Variants in CCDC68 observed in about 807,000 individuals in gnomAD.
CCDC68 encodes coiled-coil domain containing 68, also known as coiled-coil domain-containing protein 68.
Under a neutral mutation model 47.1 loss-of-function variants are expected in CCDC68, and 45 were observed. That is an observed-to-expected ratio of 0.96 (90% CI 0.75 to 1.23). The LOEUF (loss-of-function observed/expected upper bound fraction) is 1.23, where lower values mean the gene tolerates loss of function less well. Ranked by LOEUF, CCDC68 falls within the 50% of genes most tolerant of loss-of-function variation. CCDC68 has a pLI of 0.00. For synonymous variants in CCDC68, 131 were observed against 129.5 expected, an observed-to-expected ratio of 1.01 and a Z score of -0.08; for missense variants, 353 against 373.6, an observed-to-expected ratio of 0.94 and a Z score of 0.45.
At chr18:54,909,675 C>T (rs115436696) in intron 10 of CCDC68, among the ~76,000 whole-genome samples, 213 of 152,314 alleles carry the variant, frequency 1.4e-3, no homozygotes, top group African/African-American at 4.6e-3. Flanking sequence ...TCAAACATGC[C>T]GACTGCTACA....
At chr18:54,909,315 TC>T (rs932549408) in intron 10 of CCDC68, among the ~76,000 whole-genome samples, 1 of 151,830 alleles carries the variant, frequency 6.6e-6, no homozygotes, top group African/African-American at 2.4e-5. Context: ...GAACATCAGC[TC>T]CCTTCCCTTT....
intron 8 of CCDC68, among the ~76,000 whole-genome samples, chr18:54,927,608 G>A (rs538202425): frequency 6.6e-6 from 1 of 152,310 alleles, no homozygotes; most frequent in South Asian, 2.1e-4. Flanking sequence ...ATATCCATAT[G>A]TAATTCCAAG....
intron 6 of CCDC68, among the ~76,000 whole-genome samples, chr18:54,935,430 T>G (rs2044327549): frequency 6.6e-6 from 1 of 152,240 alleles, no homozygotes; most frequent in Admixed American, 6.5e-5. Flanking sequence ...AGACTCCATC[T>G]AGCAGGCAGT....
intron 5 of CCDC68, chr18:54,937,747 T>A (rs2044371866): frequency 7.5e-6 from 3 of 402,558 alleles, no homozygotes; most frequent in Non-Finnish European, 1.3e-5. Context: ...TTTTGTAAGA[T>A]ATTTTCAATA....
At chr18:54,911,018 G>A (rs1168508245) in intron 10 of CCDC68, among the ~76,000 whole-genome samples, 1 of 152,218 alleles carries the variant, frequency 6.6e-6, no homozygotes, top group Non-Finnish European at 1.5e-5. Context: ...GGCTCTTGTG[G>A]GCTCCATGGA....
chr18:54,925,158 T>C (rs1407175626), intron 8 of CCDC68, among the ~76,000 whole-genome samples: 1 of 152,226 alleles, frequency 6.6e-6, no homozygotes, highest in African/African-American at 2.4e-5. Context: ...GGTTGGCTGC[T>C]GGAAAATTTG....
chr18:54,923,642 A>G (rs1327412905), intron 8 of CCDC68, among the ~76,000 whole-genome samples: 1 of 151,696 alleles, frequency 6.6e-6, no homozygotes, highest in Admixed American at 6.6e-5. Context: ...TTTAAATGTA[A>G]AAATATATCT....
intron 4 of CCDC68, among the ~76,000 whole-genome samples, chr18:54,939,658 C>T (rs1473014016): frequency 6.6e-6 from 1 of 152,134 alleles, no homozygotes; most frequent in African/African-American, 2.4e-5. Context: ...TCCTAAGAAG[C>T]TCCTCCTATC....
chr18:54,904,579 G>C (rs1360989378), intron 11 of CCDC68, among the ~76,000 whole-genome samples, 164 bp from the exon 12 acceptor site: 1 of 152,206 alleles, frequency 6.6e-6, no homozygotes, highest in Non-Finnish European at 1.5e-5. Context: ...AGTTCCCCAT[G>C]ATATACAGTA....
In CCDC68 at chr18:54,933,427, ACCAATATC is replaced by A; in HGVS notation, c.600+1385_600+1392del. ...GCAGTGACGGTTGCCACTAAACCTG[ACCAATATC>A]ACTGGGTTTGAGATGGCGTGAGCTC... On this transcript the variant is annotated intron_variant, in intron 7 of 11. Transcript: ENST00000591504. Among the ~76,000 whole-genome samples, 4 of 152,284 alleles carry A rather than the reference ACCAATATC, an allele frequency of 2.6e-5. No individual in the cohort carries two copies. In the East Asian group the frequency reaches 7.7e-4, roughly 29 times the overall value.
intron 2 of CCDC68, among the ~76,000 whole-genome samples, chr18:54,945,157 G>A (rs999916798): frequency 5.3e-5 from 8 of 152,082 alleles, no homozygotes; most frequent in African/African-American, 1.9e-4. Context: ...AAGGACATGC[G>A]GATAAAGATT....
chr18:54,929,096 C>T (rs1327683802), intron 7 of CCDC68, among the ~76,000 whole-genome samples: 1 of 152,190 alleles, frequency 6.6e-6, no homozygotes, highest in African/African-American at 2.4e-5. Flanking sequence ...ACTCTCTCAC[C>T]TGCCTGGAGG....
intron 10 of CCDC68, 88 bp from the exon 11 acceptor site, chr18:54,907,950 T>C: frequency 1.3e-6 from 1 of 770,752 alleles, no homozygotes; most frequent in South Asian, 1.5e-5. Flanking sequence ...AACACCTGCC[T>C]CACTCGTTGG....
intron 7 of CCDC68, among the ~76,000 whole-genome samples, chr18:54,932,255 G>A (rs2044277323): frequency 6.6e-6 from 1 of 151,594 alleles, no homozygotes; most frequent in Non-Finnish European, 1.5e-5. Flanking sequence ...CGTCATCTCG[G>A]CTCACTGCAG....
chr18:54,944,766 T>G (rs1382201349), intron 2 of CCDC68, among the ~76,000 whole-genome samples: 2 of 152,172 alleles, frequency 1.3e-5, no homozygotes, highest in East Asian at 3.8e-4. Context: ...AAATCTATAT[T>G]TTGCAACCCT....
intron 9 of CCDC68, among the ~76,000 whole-genome samples, chr18:54,918,222 G>T (rs571418746): frequency 6.6e-6 from 1 of 152,338 alleles, no homozygotes; most frequent in East Asian, 1.9e-4. Context: ...TTTAATCTTT[G>T]GATAACCTGT....
At chr18:54,908,622 C>A (rs1414319615) in intron 10 of CCDC68, among the ~76,000 whole-genome samples, 1 of 152,164 alleles carries the variant, frequency 6.6e-6, no homozygotes, top group Admixed American at 6.5e-5. Context: ...ATAACGCCTT[C>A]TCCACAGATT....
At chr18:54,949,104 G>T (rs370478230) in intron 1 of CCDC68, among the ~76,000 whole-genome samples, 159 of 152,206 alleles carry the variant, frequency 1.0e-3, no homozygotes, top group African/African-American at 3.8e-3. Context: ...AGTGATTCTC[G>T]TGCCTCAGCT....
intron 3 of CCDC68, 41 bp downstream of exon 3, chr18:54,942,634 A>C: frequency 8.1e-7 from 1 of 1,239,918 alleles, no homozygotes; most frequent in South Asian, 1.3e-5. Context: ...ATTTCTCTTT[A>C]AAAAATCATA....
Sources: allele counts gnomAD v4.1 joint callset (sites outside exome capture counted in the v4.1 genomes callset), GRCh38; gene constraint gnomAD v4.1.1; transcripts MANE v1.5; gene names NCBI Gene and HGNC (gene_info 2026-07-23, HGNC 2026-07-21).